CRADD: variants seen among roughly 807,000 people sequenced by gnomAD.
CRADD encodes the protein CARD and death domain containing adaptor protein.
In CRADD, 9 loss-of-function variants were observed where a neutral mutation model predicts 15.5. The observed-to-expected ratio is 0.58, with a 90% confidence interval of 0.35 to 1.01. CRADD has a LOEUF of 1.01. CRADD is among the 50% of genes least tolerant of loss of function. The pLI, the probability that CRADD is intolerant of heterozygous loss-of-function variation, is 0.02. For missense variants in CRADD, 227 were observed against 250.3 expected (o/e 0.91, Z 0.63); for synonymous variants, 118 against 107.6 (o/e 1.10, Z -0.60).
intron 2 of CRADD, among the ~76,000 whole-genome samples, chr12:93,763,322 T>G (rs986804202): frequency 6.6e-6 from 1 of 152,196 alleles, no homozygotes; most frequent in Non-Finnish European, 1.5e-5. Flanking sequence ...TGGTATGAAC[T>G]TGGGGTGACC....
intron 2 of CRADD, among the ~76,000 whole-genome samples, chr12:93,728,808 T>C (rs1219629356): frequency 6.6e-6 from 1 of 152,210 alleles, no homozygotes; most frequent in Non-Finnish European, 1.5e-5. Context: ...AATATATCAT[T>C]ACCAAATGGG....
chr12:93,856,266 G>A (rs1958274275), intron 2 of CRADD, among the ~76,000 whole-genome samples: 1 of 152,224 alleles, frequency 6.6e-6, no homozygotes. Context: ...GCACACTTCA[G>A]AGCATACTCA....
intron 2 of CRADD, among the ~76,000 whole-genome samples, chr12:93,685,357 T>C (rs1004068949): frequency 3.9e-5 from 6 of 152,178 alleles, no homozygotes; most frequent in Admixed American, 2.6e-4. Flanking sequence ...TAAGTTCTAA[T>C]GTCCTAGCAC....
At chr12:93,692,512 A>G (rs1368890089) in intron 2 of CRADD, among the ~76,000 whole-genome samples, 4 of 152,214 alleles carry the variant, frequency 2.6e-5, no homozygotes, top group Non-Finnish European at 4.4e-5. Context: ...GACAATTTCA[A>G]TAAGCCTAGT....
At chr12:93,894,522 C>T (rs905544167) in exon 3 of CRADD, 2 of 191,472 alleles carry the variant, frequency 1.0e-5, no homozygotes, top group Non-Finnish European at 2.2e-5. Flanking sequence ...AGAGTTAAAG[C>T]CACTGTCTGG....
chr12:93,894,010 A>G (rs1958594957), intron 2 of CRADD: 2 of 702,452 alleles, frequency 2.8e-6, no homozygotes, highest in Non-Finnish European at 5.2e-6. Flanking sequence ...GCTGATCGCC[A>G]TACTCCCTTG....
At position 93,856,306 on chromosome 12, in the gene CRADD, G is replaced by A. The variant is rs559992644; in HGVS notation, c.299-37744G>A. 3.2e-4 allele frequency among the ~76,000 whole-genome samples: 48 copies of A among 152,336 alleles called. 1 individual carries two copies. Among genetic ancestry groups the A allele is most frequent in the South Asian group, 1.9e-3 (9 of 4,826 alleles). On this transcript the variant is annotated intron_variant, in intron 2 of 2. Transcript: ENST00000548483. ...TGGGGTGGATTCTGATCTAACAGTT[G>A]TCTACCATTAAATGAATAACTACAG...
chr12:93,843,384 CT>C (rs200332416), intron 2 of CRADD, among the ~76,000 whole-genome samples: 379 of 134,978 alleles, frequency 2.8e-3, no homozygotes, highest in African/African-American at 5.7e-3. Flanking sequence ...TCTTTTTATT[CT>C]TTTTTTTTTT....
chr12:93,888,761 A>G (rs927305246), intron 2 of CRADD, among the ~76,000 whole-genome samples: 1 of 152,176 alleles, frequency 6.6e-6, no homozygotes. Flanking sequence ...GGAGAGAAGT[A>G]GACAGATTCA....
At chr12:93,711,055 C>CT (rs397850463) in intron 2 of CRADD, among the ~76,000 whole-genome samples, 12,749 of 43,792 alleles carry the variant, frequency 0.29, 2,447 homozygotes, top group Non-Finnish European at 0.36. Flanking sequence ...CCACCCCCGC[C>CT]TTTTTTTTTT....
intron 2 of CRADD, among the ~76,000 whole-genome samples, chr12:93,719,077 G>T (rs1956214590): frequency 6.6e-6 from 1 of 152,080 alleles, no homozygotes; most frequent in African/African-American, 2.4e-5. Context: ...TCACTGTTAA[G>T]TATGATGTTA....
intron 2 of CRADD, among the ~76,000 whole-genome samples, chr12:93,801,709 G>A (rs1957478565): frequency 6.6e-6 from 1 of 152,104 alleles, no homozygotes; most frequent in Non-Finnish European, 1.5e-5. Flanking sequence ...TTTAAAAAAT[G>A]TTTATTTAAA....
At chr12:93,810,241 G>T (rs181615304) in intron 2 of CRADD, among the ~76,000 whole-genome samples, 1 of 151,996 alleles carries the variant, frequency 6.6e-6, no homozygotes, top group East Asian at 1.9e-4. Flanking sequence ...AGAAAGAACC[G>T]ATGTGCCTTA....
rs1376714634 is a variant in CRADD at position 93,679,000 on chromosome 12, C to T, written c.226C>T (p.Leu76=). Residue 76 remains leucine (L), a synonymous_variant, in exon 2 of 3, where the codon CTA becomes TTA. Coordinates refer to ENST00000332896, the MANE Select transcript of CRADD (RefSeq NM_003805.5). ...AGCATTTGATACATTCCTAGATTCC[C>T]TACAGGAGTTTCCCTGGGTCAGGGA... The part of the protein sequence containing the change: ...PKAFDTFLDS[L]QEFPWVREKL... 1 of 1,614,106 alleles carries T rather than the reference C, an allele frequency of 6.2e-7. No homozygotes were observed. Among genetic ancestry groups the T allele is most frequent in the Non-Finnish European group, 8.5e-7 (1 of 1,179,936 alleles).
chr12:93,864,429 A>T (rs971435330), intron 2 of CRADD, among the ~76,000 whole-genome samples: 3 of 152,154 alleles, frequency 2.0e-5, no homozygotes, highest in Non-Finnish European at 4.4e-5. Context: ...GTGCAAGTAC[A>T]CCACATAGAC....
At chr12:93,727,618 G>A (rs1956391567) in intron 2 of CRADD, among the ~76,000 whole-genome samples, 2 of 152,174 alleles carry the variant, frequency 1.3e-5, no homozygotes, top group African/African-American at 4.8e-5. Flanking sequence ...AACTCAGCTG[G>A]ACACTGATGT....
At chr12:93,726,389 C>A (rs899977131) in intron 2 of CRADD, among the ~76,000 whole-genome samples, 1 of 152,114 alleles carries the variant, frequency 6.6e-6, no homozygotes, top group African/African-American at 2.4e-5. Context: ...TAGGCATAAG[C>A]CCCAGCACCT....
chr12:93,796,479 C>G (rs12298257), intron 2 of CRADD, among the ~76,000 whole-genome samples: 11,990 of 151,456 alleles, frequency 0.079, 693 homozygotes, highest in African/African-American at 0.16. Context: ...GTGGTGGGCA[C>G]TTGTAATCCC....
intron 2 of CRADD, among the ~76,000 whole-genome samples, chr12:93,840,074 T>A (rs908270651): frequency 6.6e-6 from 1 of 152,196 alleles, no homozygotes; most frequent in Non-Finnish European, 1.5e-5. Context: ...CTAGGCCAGT[T>A]TTCTTTTCCT....
Sources: gnomAD v4.1 joint callset for allele counts (sites outside exome capture counted in the v4.1 genomes callset) on GRCh38, gnomAD v4.1.1 for gene constraint, MANE v1.5 for transcripts, NCBI Gene and HGNC (gene_info 2026-07-23, HGNC 2026-07-21) for gene names.